The following TRIM26 variants were observed in gnomAD, a reference collection of about 807,000 sequenced individuals.
The protein encoded by TRIM26 is tripartite motif containing 26, also known as tripartite motif-containing protein 26.
TRIM26 carries 16 observed loss-of-function variants against 45.5 expected under a neutral mutation model. The observed-to-expected ratio is 0.35, with a 90% CI of 0.24 to 0.53. The LOEUF (loss-of-function observed/expected upper bound fraction) is 0.53, where lower values mean the gene tolerates loss of function less well. TRIM26 is among the 20% of genes least tolerant of loss of function. The pLI is 0.92. For missense variants in TRIM26, 442 were observed against 691.1 expected (o/e 0.64, Z 4.04); for synonymous variants, 273 against 290.4 (o/e 0.94, Z 0.61).
chr6:30,193,268 G>A (rs1304877538), intron 6 of TRIM26, among the ~76,000 whole-genome samples: 3 of 143,988 alleles, frequency 2.1e-5, no homozygotes, highest in African/African-American at 7.8e-5. Flanking sequence ...TGCAACCTCT[G>A]CCTCCTGGAT....
chr6:30,192,303 C>G (rs918779850), intron 6 of TRIM26, among the ~76,000 whole-genome samples: 1 of 152,142 alleles, frequency 6.6e-6, no homozygotes, highest in Non-Finnish European at 1.5e-5. Context: ...AAGTTCTTCA[C>G]GGGGGTGTAC....
intron 1 of TRIM26, among the ~76,000 whole-genome samples, chr6:30,210,149 G>A (rs193055348): frequency 6.6e-6 from 1 of 151,820 alleles, no homozygotes; most frequent in African/African-American, 2.4e-5. Context: ...AGGTTGCAGT[G>A]AGCTGAGATC....
At chr6:30,199,627 G>GT (rs34431619) in intron 3 of TRIM26, among the ~76,000 whole-genome samples, 2,263 of 140,652 alleles carry the variant, frequency 0.016, 19 homozygotes, top group South Asian at 0.042. Context: ...GAGACCGCCC[G>GT]TTTTTTTTTT....
At chr6:30,188,438 A>G (rs907427501) in intron 9 of TRIM26, 46 of 269,778 alleles carry the variant, frequency 1.7e-4, no homozygotes, top group African/African-American at 7.2e-4. Context: ...TCCTCATAGG[A>G]TTCTCTATAA....
chr6:30,186,714 G>A lies in TRIM26; in HGVS notation c.938-156C>T. 2 of 1,102,072 alleles carry A rather than the reference G, an allele frequency of 1.8e-6. No homozygotes were observed. The highest frequency in any genetic ancestry group is 2.5e-6 in the Non-Finnish European group (2 of 790,964). 68.3% of individuals were successfully genotyped at this position (1,102,072 alleles called of 1,614,324 possible). ...TCAACATCCTTAATTTGGTATAAGT[G>A]TGACACATTTTCTGGCTTTGTATTC... is the stretch of plus-strand genomic sequence containing the variant. On this transcript the variant is annotated intron_variant, in intron 9 of 9. Transcript: ENST00000454678. This position sits in a 1 kb window ranked among gnomAD's most constrained non-coding sequence, Gnocchi z 7.4.
chr6:30,208,904 ATGTG>A (rs9278612), intron 1 of TRIM26, among the ~76,000 whole-genome samples: 4,109 of 140,692 alleles, frequency 0.029, 73 homozygotes, highest in Middle Eastern at 0.06. Context: ...GATATAGAAT[ATGTG>A]TGTGTGTGTG....
chr6:30,193,339 G>T (rs558017897), intron 6 of TRIM26, among the ~76,000 whole-genome samples: 1 of 150,154 alleles, frequency 6.7e-6, no homozygotes, highest in Non-Finnish European at 1.5e-5. Context: ...GCACCATCAC[G>T]CCCAGCTAAT....
chr6:30,206,531 G>A (rs1254989425), intron 1 of TRIM26, among the ~76,000 whole-genome samples: 1 of 152,210 alleles, frequency 6.6e-6, no homozygotes, highest in South Asian at 2.1e-4. Flanking sequence ...GAAAATTGAG[G>A]GTTCTTCATA....
At chr6:30,208,249 G>C (rs1292577153) in intron 1 of TRIM26, among the ~76,000 whole-genome samples, 2 of 152,222 alleles carry the variant, frequency 1.3e-5, no homozygotes, top group Non-Finnish European at 2.9e-5. Context: ...TTGGTAGAGA[G>C]AGAAGCAATT....
intron 1 of TRIM26, among the ~76,000 whole-genome samples, chr6:30,210,010 T>C (rs1352671243): frequency 1.3e-5 from 2 of 151,800 alleles, no homozygotes; most frequent in Non-Finnish European, 2.9e-5. Context: ...ATCGAGACCA[T>C]CCTGGCCAAC....
chr6:30,185,658 A>G lies in TRIM26; in HGVS notation c.*218T>C. 1.7e-6 allele frequency: 1 copy of G among 589,992 alleles called. No individual in the cohort carries two copies. Among genetic ancestry groups the G allele is most frequent in the Non-Finnish European group, 2.9e-6 (1 of 341,366 alleles). 36.5% of individuals were successfully genotyped at this position (589,992 alleles called of 1,614,324 possible). ...GGGTCAGAAGTTCCCTCGGGAAACC[A>G]GCAGGAGGTGGGAAAAGAGCCCCAT... On this transcript the variant is annotated 3_prime_UTR_variant, in exon 10 of 10. Coordinates refer to ENST00000454678, the MANE Select transcript of TRIM26 (RefSeq NM_003449.5). This position sits in a 1 kb window ranked among gnomAD's most constrained non-coding sequence, Gnocchi z 5.7.
At chr6:30,200,604 G>A (rs963907867) in intron 3 of TRIM26, among the ~76,000 whole-genome samples, 4 of 152,156 alleles carry the variant, frequency 2.6e-5, no homozygotes, top group Non-Finnish European at 2.9e-5. Flanking sequence ...TACAGGGAGC[G>A]GGGACACACA....
intron 3 of TRIM26, among the ~76,000 whole-genome samples, chr6:30,200,600 G>C (rs1777065597): frequency 6.6e-6 from 1 of 152,174 alleles, no homozygotes; most frequent in Non-Finnish European, 1.5e-5. Flanking sequence ...CTTGTACAGG[G>C]AGCGGGGACA....
At position 30,198,709 on chromosome 6, in the gene TRIM26, G is replaced by C; in HGVS notation, c.395C>G (p.Pro132Arg). 6.2e-7 allele frequency: 1 copy of C among 1,605,050 alleles called. No individual in the cohort carries two copies. Among genetic ancestry groups the C allele is most frequent in the Non-Finnish European group, 8.5e-7 (1 of 1,179,806 alleles). ...VMCRESREHRPHTAVLMEKAA... is the reference protein window; with the variant it reads ...VMCRESREHRRHTAVLMEKAA... ...CTTCTCCATGAGGACGGCCGTGTGG[G>C]GCCTGTGCTCCCGGGACTCCCGGCA... is the stretch of plus-strand genomic sequence containing the variant. Residue 132 changes from proline (P) to arginine (R), a missense_variant, in exon 4 of 10, where the codon CCC (proline) becomes CGC (arginine). Physicochemically the swap from Pro to Arg is moderately radical, Grantham distance 103. Transcript: ENST00000454678. This position sits in a 1 kb window ranked among gnomAD's most constrained non-coding sequence, Gnocchi z 6.3.
In TRIM26 at chr6:30,185,765, G is replaced by C; in HGVS notation, c.*111C>G. 1 of 1,258,396 alleles carries C rather than the reference G, an allele frequency of 7.9e-7. No homozygotes were observed. Among genetic ancestry groups the C allele is most frequent in the East Asian group, 2.5e-5 (1 of 40,206 alleles). 78.0% of individuals were successfully genotyped at this position (1,258,396 alleles called of 1,614,324 possible). A position where few individuals can be genotyped will look rare whatever the true frequency, so the allele number is the denominator to read the frequency against. On this transcript the variant is annotated 3_prime_UTR_variant, in exon 10 of 10. Transcript: ENST00000454678. This position sits in a 1 kb window ranked among gnomAD's most constrained non-coding sequence, Gnocchi z 5.7. ...GGGAGGTGGCTACCAGTGGATATGG[G>C]GTCCCCTGCTCCAGGTGCTTAGGCC...
intron 6 of TRIM26, among the ~76,000 whole-genome samples, chr6:30,193,183 T>TATATA (rs1554201635): frequency 8.3e-3 from 332 of 40,120 alleles, no homozygotes; most frequent in South Asian, 0.01. Context: ...TATATATATA[T>TATATA]TTTTTTTTTT....
intron 3 of TRIM26, among the ~76,000 whole-genome samples, chr6:30,199,910 A>G (rs1452783472): frequency 2.0e-5 from 3 of 152,104 alleles, no homozygotes; most frequent in Admixed American, 6.5e-5. Flanking sequence ...TGCTGGGATT[A>G]CAGGCGTGAG....
Position 30,189,151 on chromosome 6 carries a change from C to T in TRIM26, c.937+16G>A. 6.2e-7 allele frequency: 1 copy of T among 1,611,230 alleles called. No homozygotes were observed. Among genetic ancestry groups the T allele is most frequent in the Non-Finnish European group, 8.5e-7 (1 of 1,179,554 alleles). On this transcript the variant is annotated intron_variant, in intron 9 of 9. Coordinates refer to ENST00000454678, the MANE Select transcript of TRIM26 (RefSeq NM_003449.5). This position sits in a 1 kb window ranked among gnomAD's most constrained non-coding sequence, Gnocchi z 5.0. ...ATATTTGATGTACATCTGGGAAACA[C>T]CCTCTAGACACTCACCTGTCTTATA...
rs542909406 is a variant in TRIM26, at chr6:30,194,354, T to A, written c.765+2162A>T. 1.1e-4 allele frequency among the ~76,000 whole-genome samples: 17 copies of A among 152,300 alleles called. No homozygotes were observed. The South Asian group carries it at 2.9e-3, about 26-fold the overall frequency. ...GGGTGGGGAGAAGTTGGTTAACAGA[T>A]ACAAAGTTATAGCTACATGGGAAGA... On this transcript the variant is annotated intron_variant, in intron 6 of 9. Coordinates refer to ENST00000454678, the MANE Select transcript of TRIM26 (RefSeq NM_003449.5).
Sources: gnomAD v4.1 joint callset for allele counts (sites outside exome capture counted in the v4.1 genomes callset) on GRCh38, gnomAD v4.1.1 for gene constraint, Gnocchi (gnomAD v3.1) non-coding constraint, MANE v1.5 for transcripts, NCBI Gene and HGNC (gene_info 2026-07-23, HGNC 2026-07-21) for gene names.